ITGA9: variants seen among roughly 807,000 people sequenced by gnomAD.
The protein encoded by ITGA9 is integrin alpha-9.
A neutral mutation model predicts 127.8 loss-of-function variants in ITGA9; 56 were observed. The observed-to-expected ratio is 0.44, with a 90% CI of 0.35 to 0.55. ITGA9 has a LOEUF of 0.55. ITGA9 is among the 20% of genes least tolerant of loss of function. The pLI is 0.00. For synonymous variants in ITGA9, 508 were observed against 514.5 expected, an observed-to-expected ratio of 0.99 and a Z score of 0.17; for missense variants, 1,196 against 1,347.1, an observed-to-expected ratio of 0.89 and a Z score of 1.76.
At chr3:37,581,557 T>C (rs556261672) in intron 15 of ITGA9, among the ~76,000 whole-genome samples, 5 of 152,342 alleles carry the variant, frequency 3.3e-5, no homozygotes, top group Admixed American at 2.0e-4. Context: ...GTTCTATTTC[T>C]TGCTTTGAAG....
At chr3:37,512,035 T>C (rs1441022073) in intron 8 of ITGA9, among the ~76,000 whole-genome samples, 2 of 36,968 alleles carry the variant, frequency 5.4e-5, no homozygotes, top group African/African-American at 1.5e-4. Flanking sequence ...TTTCTTTCTT[T>C]CTTTCTTTCT....
At chr3:37,530,745 TTTTTTTTTTTTTTTTTTTTTTTTTG>T (rs1699142764) in intron 13 of ITGA9, among the ~76,000 whole-genome samples, 1 of 20,152 alleles carries the variant, frequency 5.0e-5, no homozygotes. Flanking sequence ...TTTTTTTTTT[TTTTTTTTTTTTTTTTTTTTTTTTTG>T]AGACGGAGTC....
At chr3:37,598,473 C>G (rs542238496) in intron 15 of ITGA9, among the ~76,000 whole-genome samples, 1 of 152,190 alleles carries the variant, frequency 6.6e-6, no homozygotes, top group East Asian at 1.9e-4. Flanking sequence ...TATTTGGCAC[C>G]TATGATGTGC....
At chr3:37,523,808 C>T (rs569120769) in intron 12 of ITGA9, among the ~76,000 whole-genome samples, 197 bp downstream of exon 12, 63 of 152,220 alleles carry the variant, frequency 4.1e-4, no homozygotes, top group Non-Finnish European at 6.9e-4. Flanking sequence ...TTAAACTGAT[C>T]TACTCTGAAT....
chr3:37,713,949 C>G (rs1346361504), intron 18 of ITGA9, among the ~76,000 whole-genome samples: 1 of 152,212 alleles, frequency 6.6e-6, no homozygotes, highest in African/African-American at 2.4e-5. Context: ...CATTTCCTCC[C>G]CTGGTAGAAA....
intron 23 of ITGA9, among the ~76,000 whole-genome samples, chr3:37,767,435 A>G (rs1696792471): frequency 6.6e-6 from 1 of 152,220 alleles, no homozygotes; most frequent in Admixed American, 6.5e-5. Context: ...TTAGAAAGGG[A>G]GAAGACATCT....
At chr3:37,789,531 G>A (rs1202148359) in intron 26 of ITGA9, among the ~76,000 whole-genome samples, 2 of 151,842 alleles carry the variant, frequency 1.3e-5, no homozygotes, top group African/African-American at 2.4e-5. Flanking sequence ...AGGCCAAGGC[G>A]GGTGGACCAC....
intron 27 of ITGA9, chr3:37,808,868 G>A (rs933401501): frequency 9.9e-5 from 15 of 152,140 alleles, no homozygotes; most frequent in Non-Finnish European, 2.9e-5. Context: ...GACTTTTTAT[G>A]TGGTGGCTTA....
intron 20 of ITGA9, among the ~76,000 whole-genome samples, chr3:37,739,376 T>A (rs1696404275): frequency 6.6e-6 from 1 of 152,258 alleles, no homozygotes; most frequent in Non-Finnish European, 1.5e-5. Context: ...AGATGCTCAT[T>A]TCTTTTCAGG....
chr3:37,729,562 T>C (rs914941255), intron 18 of ITGA9, among the ~76,000 whole-genome samples: 1 of 152,206 alleles, frequency 6.6e-6, no homozygotes, highest in African/African-American at 2.4e-5. Context: ...AGCTTTTGAA[T>C]GATCAAAAGT....
At chr3:37,592,581 C>A in intron 15 of ITGA9, among the ~76,000 whole-genome samples, 1 of 152,128 alleles carries the variant, frequency 6.6e-6, no homozygotes, top group South Asian at 2.1e-4. Context: ...GGCTGGGCAC[C>A]ACCTTGGGAA....
intron 5 of ITGA9, among the ~76,000 whole-genome samples, chr3:37,500,535 T>C (rs1698777417): frequency 6.6e-6 from 1 of 152,224 alleles, no homozygotes; most frequent in Non-Finnish European, 1.5e-5. Flanking sequence ...ATAACACGTA[T>C]TGTTTAAGGC....
At chr3:37,548,229 T>C (rs1027482786) in intron 15 of ITGA9, among the ~76,000 whole-genome samples, 6 of 152,316 alleles carry the variant, frequency 3.9e-5, no homozygotes, top group Admixed American at 2.0e-4. Context: ...ATGATTCATT[T>C]ATATGACGTT....
intron 15 of ITGA9, among the ~76,000 whole-genome samples, chr3:37,612,959 CTT>C (rs35973222): frequency 3.3e-4 from 47 of 140,794 alleles, no homozygotes; most frequent in East Asian, 8.2e-4. Context: ...TTGTGCTGTT[CTT>C]TTTTTTTTTT....
At chr3:37,679,310 C>T (rs1187158778) in intron 17 of ITGA9, among the ~76,000 whole-genome samples, 1 of 152,092 alleles carries the variant, frequency 6.6e-6, no homozygotes, top group Non-Finnish European at 1.5e-5. Context: ...AGCACAAAAA[C>T]TCTATGCTTG....
intron 19 of ITGA9, among the ~76,000 whole-genome samples, chr3:37,736,659 C>T (rs572367073): frequency 3.9e-5 from 6 of 152,256 alleles, no homozygotes; most frequent in South Asian, 4.2e-4. Context: ...AGAGTGTAAA[C>T]GCATCACTTC....
rs952762179 is a variant in ITGA9 at position 37,821,493 on chromosome 3, T to A, written c.*2504T>A. ...TCCTTTGATGGACTCTTGTTCATAA[T>A]GCCATGTTTTCTTTAATGAATCATT... is the stretch of plus-strand genomic sequence containing the variant. On this transcript the variant is annotated 3_prime_UTR_variant, in exon 28 of 28. Transcript: ENST00000264741. 3 of 152,184 alleles carry A rather than the reference T, an allele frequency of 2.0e-5. No individual in the cohort carries two copies. The highest frequency in any genetic ancestry group is 7.2e-5 in the African/African-American group (3 of 41,444). The allele number at this position is 152,184 out of a possible 1,614,324, so 9.4% of individuals were successfully genotyped here.
At chr3:37,792,518 G>GT (rs926624039) in intron 26 of ITGA9, among the ~76,000 whole-genome samples, 1 of 152,184 alleles carries the variant, frequency 6.6e-6, no homozygotes, top group African/African-American at 2.4e-5. Context: ...GAGGAGAGCT[G>GT]TATGGAGCCC....
intron 10 of ITGA9, among the ~76,000 whole-genome samples, chr3:37,518,357 GC>G (rs1159567055): frequency 2.0e-5 from 3 of 152,160 alleles, no homozygotes; most frequent in Non-Finnish European, 2.9e-5. Context: ...CCTACCACTG[GC>G]TACAGTGGGC....
Sources: gnomAD v4.1 joint callset for allele counts (sites outside exome capture counted in the v4.1 genomes callset) on GRCh38, gnomAD v4.1.1 for gene constraint, MANE v1.5 for transcripts, NCBI Gene and HGNC (gene_info 2026-07-23, HGNC 2026-07-21) for gene names.